SPRY3: variants seen among roughly 807,000 people sequenced by gnomAD.
SPRY3 encodes the protein sprouty RTK signaling antagonist 3, also known as protein sprouty homolog 3.
SPRY3 carries 15 observed loss-of-function variants against 20.2 expected under a neutral mutation model. That is an observed-to-expected ratio of 0.74 (90% CI 0.50 to 1.14). SPRY3 has a LOEUF of 1.14. SPRY3 is among the 50% of genes most tolerant of loss of function. SPRY3 has a pLI of 0.00. For missense variants in SPRY3, 364 were observed against 363.9 expected (o/e 1.00, Z 0.00); for synonymous variants, 143 against 136.5 (o/e 1.05, Z -0.33).
chrX:155,730,855 A>G (rs1366033413), intron 2 of SPRY3, among the ~76,000 whole-genome samples: 1 of 152,072 alleles, frequency 6.6e-6, no homozygotes, highest in Non-Finnish European at 1.5e-5. Flanking sequence ...CAGTAGCATT[A>G]CTATATGCCA....
chrX:155,652,206 G>A (rs781997482), intron 1 of SPRY3, among the ~76,000 whole-genome samples: 6 of 111,554 alleles, frequency 5.4e-5, no homozygotes, highest in Non-Finnish European at 9.4e-5. Context: ...AGATTTGGGC[G>A]GGGACACAAA....
intron 2 of SPRY3, among the ~76,000 whole-genome samples, chrX:155,720,728 A>T (rs1192954122): frequency 6.6e-6 from 1 of 152,202 alleles, no homozygotes; most frequent in Non-Finnish European, 1.5e-5. Flanking sequence ...CAAGAACCAC[A>T]GTGTTACTGC....
At chrX:155,628,297 C>A (rs1557350128) in intron 1 of SPRY3, among the ~76,000 whole-genome samples, 2 of 111,641 alleles carry the variant, frequency 1.8e-5, no homozygotes, top group African/African-American at 6.5e-5. Context: ...GTTCCTATTT[C>A]TCCAAGCAAT....
At chrX:155,705,673 C>CATAT (rs1249691105) in intron 2 of SPRY3, among the ~76,000 whole-genome samples, 1 of 151,130 alleles carries the variant, frequency 6.6e-6, no homozygotes, top group Non-Finnish European at 1.5e-5. Context: ...TGGAGAAATA[C>CATAT]ATATAATGCA....
chrX:155,774,699 T>C (rs1336574196), exon 4 of SPRY3: 9 of 1,613,582 alleles, frequency 5.6e-6, no homozygotes, highest in Non-Finnish European at 7.6e-6. Flanking sequence ...TCTCTTCTGG[T>C]AGTGCACCCT....
intron 2 of SPRY3, among the ~76,000 whole-genome samples, chrX:155,685,313 CTCTA>C (rs1398556457): frequency 2.7e-5 from 3 of 110,076 alleles, no homozygotes; most frequent in Non-Finnish European, 5.7e-5. Flanking sequence ...ATTTCTATTG[CTCTA>C]TCTTCAAGTT....
downstream of SPRY3, chrX:155,778,961 G>A (rs2091447080): frequency 1.2e-5 from 2 of 167,028 alleles, no homozygotes; most frequent in Admixed American, 1.3e-4. Context: ...GTTAATGAGG[G>A]AGGGAAGAAA....
intron 2 of SPRY3, among the ~76,000 whole-genome samples, chrX:155,751,968 TAAAATAAAATAAA>T (rs2091265703): frequency 1.5e-4 from 13 of 88,286 alleles, no homozygotes; most frequent in Admixed American, 7.1e-4. Context: ...TAAAATAAAA[TAAAATAAAATAAA>T]ATAAAGGAAA....
chrX:155,739,716 A>C (rs2091193239), intron 2 of SPRY3, among the ~76,000 whole-genome samples: 1 of 152,168 alleles, frequency 6.6e-6, no homozygotes, highest in African/African-American at 2.4e-5. Flanking sequence ...AAACTGCAGC[A>C]GTCCTGTGGA....
chrX:155,767,414 C>T (rs1471605920), intron 2 of SPRY3, among the ~76,000 whole-genome samples: 1 of 152,036 alleles, frequency 6.6e-6, no homozygotes, highest in Non-Finnish European at 1.5e-5. Flanking sequence ...ACACCCTGAG[C>T]CATATAAATA....
At chrX:155,774,348 A>G in exon 4 of SPRY3, 2 of 1,614,022 alleles carry the variant, frequency 1.2e-6, no homozygotes, top group Non-Finnish European at 1.7e-6. Flanking sequence ...TCCCCTGCAC[A>G]GCAGCTCGCC....
At chrX:155,630,742 G>C (rs1302524990) in intron 1 of SPRY3, among the ~76,000 whole-genome samples, 1 of 110,636 alleles carries the variant, frequency 9.0e-6, no homozygotes, top group South Asian at 3.8e-4. Context: ...TCACCTTCCT[G>C]TACCTGGAGA....
exon 4 of SPRY3, chrX:155,773,994 C>A: frequency 1.2e-6 from 2 of 1,613,956 alleles, no homozygotes; most frequent in Non-Finnish European, 1.7e-6. Flanking sequence ...CCCTCTCCAG[C>A]CCTTCCCTTA....
At chrX:155,707,181 C>G (rs143796149) in intron 2 of SPRY3, among the ~76,000 whole-genome samples, 1 of 151,008 alleles carries the variant, frequency 6.6e-6, no homozygotes, top group Non-Finnish European at 1.5e-5. Context: ...AATTTCGATA[C>G]GTTTTGTTGT....
intron 2 of SPRY3, among the ~76,000 whole-genome samples, chrX:155,744,857 A>G (rs1434081395): frequency 6.6e-6 from 1 of 152,056 alleles, no homozygotes; most frequent in South Asian, 2.1e-4. Context: ...TAGATTTTTC[A>G]TGCTCCCCCA....
At chrX:155,709,155 T>C (rs1318907827) in intron 2 of SPRY3, among the ~76,000 whole-genome samples, 1 of 151,788 alleles carries the variant, frequency 6.6e-6, no homozygotes, top group East Asian at 1.9e-4. Flanking sequence ...CTCTTTGATA[T>C]ACTGATTTCT....
intron 2 of SPRY3, among the ~76,000 whole-genome samples, chrX:155,692,667 A>T (rs2068107030): frequency 9.0e-6 from 1 of 111,316 alleles, no homozygotes; most frequent in African/African-American, 3.3e-5. Flanking sequence ...CAGTGAAGCC[A>T]TCTGGACCTG....
chrX:155,704,369 G>A (rs935075200), intron 2 of SPRY3, among the ~76,000 whole-genome samples: 21 of 151,740 alleles, frequency 1.4e-4, no homozygotes, highest in Non-Finnish European at 1.5e-5. Context: ...TAACGGAGAT[G>A]AAGAATGCCT....
intron 2 of SPRY3, among the ~76,000 whole-genome samples, chrX:155,659,391 C>T (rs782015054): frequency 1.8e-5 from 2 of 110,245 alleles, no homozygotes; most frequent in South Asian, 3.9e-4. Context: ...GTGATCCGCC[C>T]GCCTTGGCCT....
Sources: gnomAD v4.1 joint callset for allele counts (sites outside exome capture counted in the v4.1 genomes callset) on GRCh38, gnomAD v4.1.1 for gene constraint, MANE v1.5 for transcripts, NCBI Gene and HGNC (gene_info 2026-07-23, HGNC 2026-07-21) for gene names.